CLEC4G: variants seen among roughly 807,000 people sequenced by gnomAD.
The protein encoded by CLEC4G is C-type lectin superfamily 4, member G.
Under a neutral mutation model 37.0 loss-of-function variants are expected in CLEC4G, and 34 were observed. That is an observed-to-expected ratio of 0.92 (90% CI 0.70 to 1.22). The LOEUF is 1.22. CLEC4G is among the 50% of genes most tolerant of loss of function. The pLI is 0.00. For synonymous variants in CLEC4G, 167 were observed against 165.6 expected (o/e 1.01, Z -0.06); for missense variants, 390 against 392.9 (o/e 0.99, Z 0.06).
Position 7,730,262 on chromosome 19 carries a change from G to A in CLEC4G, c.478+89C>T. 3 of 1,573,508 alleles carry A rather than the reference G, an allele frequency of 1.9e-6. No homozygotes were observed. The highest frequency in any genetic ancestry group is 1.8e-5 in the Admixed American group (1 of 56,030). ...AGGGGTTCGGCCCCGCGGGCTCAGGGGTGGAGACACAGAACCAGGCCAAGG... is the reference window on the plus strand; with the variant it reads ...AGGGGTTCGGCCCCGCGGGCTCAGGAGTGGAGACACAGAACCAGGCCAAGG... On this transcript the variant is annotated intron_variant, in intron 6 of 8. Transcript: ENST00000328853. This position sits in a 1 kb window ranked among gnomAD's most constrained non-coding sequence, Gnocchi z 7.3.
rs746724287 is a variant in CLEC4G at position 7,730,382 on chromosome 19, G to C, written c.447C>G (p.Phe149Leu). Residue 149 changes from phenylalanine (F) to leucine (L), a missense_variant, in exon 6 of 9, where the codon TTC becomes TTG. Coordinates refer to ENST00000328853, the MANE Select transcript of CLEC4G (RefSeq NM_198492.4). The surrounding 1 kb of genome is among the most constrained non-coding windows in gnomAD (Gnocchi z 7.3). Reference protein sequence around the residue: ...RGREDVRTELFRALEAVRLQN... With the variant: ...RGREDVRTELLRALEAVRLQN... The stretch of plus-strand genomic sequence containing the variant: ...GGAGCCTCACGGCCTCCAGCGCCCG[G>C]AACAGCTCAGTGCGGACGTCCTCAC... The C allele has an allele frequency of 3.7e-6, 6 of 1,603,170 alleles. No homozygotes were observed. The East Asian group carries it at 1.1e-4, about 30-fold the overall frequency.
In CLEC4G at chr19:7,731,302, CCG is replaced by C. The variant is rs2033429103; in HGVS notation, c.182_183del (p.Ala61GlyfsTer4). ...ILLSKASTERAALLDGHDLLR... is the reference protein window; with the variant it reads ...ILLSKASTERXALLDGHDLLR... The stretch of plus-strand genomic sequence containing the variant: ...AGCAGGTCGTGGCCGTCAAGCAGCG[CCG>C]CGCGCTCCGTGGAGGCTGAGGAGAG... On this transcript the variant is annotated frameshift_variant, in exon 3 of 9. Coordinates refer to ENST00000328853, the MANE Select transcript of CLEC4G (RefSeq NM_198492.4). LOFTEE classifies it high-confidence loss of function. 6.3e-7 allele frequency: 1 copy of C among 1,580,204 alleles called. No individual in the cohort carries two copies.
chr19:7,731,016 G>C lies in CLEC4G; in HGVS notation c.283+10C>G. 1 of 1,589,738 alleles carries C rather than the reference G, an allele frequency of 6.3e-7. No homozygotes were observed. The highest frequency in any genetic ancestry group is 8.5e-7 in the Non-Finnish European group (1 of 1,173,462). On this transcript the variant is annotated intron_variant, in intron 4 of 8. Coordinates refer to ENST00000328853, the MANE Select transcript of CLEC4G (RefSeq NM_198492.4). ...TCCCTGCGCCCACAGCCTCGACCGC[G>C]CCCCCTCACAGCAGCTGTGGCAGTC...
chr19:7,731,202 C>T (rs2033426749), intron 3 of CLEC4G, 64 bp downstream of exon 3: 2 of 1,570,996 alleles, frequency 1.3e-6, no homozygotes, highest in Non-Finnish European at 8.6e-7. Flanking sequence ...GACTCCATCT[C>T]CGGGGTCTCA....
chr19:7,731,240 G>T lies in CLEC4G; in HGVS notation c.220+26C>A. On this transcript the variant is annotated intron_variant, in intron 3 of 8. Coordinates refer to ENST00000328853, the MANE Select transcript of CLEC4G (RefSeq NM_198492.4). Reference sequence around the variant, plus strand: ...AACTCCCGCCCCTCACGCCCCGGGGGCCCAGGCGCCCGGCTCTGCACACAC... The same window carrying T: ...AACTCCCGCCCCTCACGCCCCGGGGTCCCAGGCGCCCGGCTCTGCACACAC... 5 of 1,581,818 alleles carry T rather than the reference G, an allele frequency of 3.2e-6. No homozygotes were observed. In the South Asian group the frequency reaches 5.7e-5, roughly 18 times the overall value.
intron 8 of CLEC4G, 26 bp from the exon 9 acceptor site, chr19:7,729,530 T>C: frequency 2.6e-6 from 4 of 1,556,140 alleles, no homozygotes; most frequent in Non-Finnish European, 3.5e-6. Flanking sequence ...GTGGGGGTGT[T>C]GCTGGGAATC....
At position 7,730,952 on chromosome 19, in the gene CLEC4G, C is replaced by T; in HGVS notation, c.283+74G>A. ...GCCCCGCACCACCCGCCGCAGGCCT[C>T]CGCCCCGGCCCCCCTCCCATCGCGG... On this transcript the variant is annotated intron_variant, in intron 4 of 8. Coordinates refer to ENST00000328853, the MANE Select transcript of CLEC4G (RefSeq NM_198492.4). The surrounding 1 kb of genome is among the most constrained non-coding windows in gnomAD (Gnocchi z 7.3). 5 of 1,491,362 alleles carry T rather than the reference C, an allele frequency of 3.4e-6. No individual in the cohort carries two copies. Among genetic ancestry groups the T allele is most frequent in the Non-Finnish European group, 4.5e-6 (5 of 1,121,562 alleles). 92.4% of individuals were successfully genotyped at this position (1,491,362 alleles called of 1,614,324 possible).
Position 7,731,731 on chromosome 19 carries a change from G to A in CLEC4G, c.96C>T (p.Leu32=), listed in dbSNP as rs1257319020. The stretch of plus-strand genomic sequence containing the variant: ...TGACCAGGACAGCCAGGGCCAAGAA[G>A]AGGGGTCTCCTGCTCCAGTGCACCC... ...GRWVHWSRRP[L]FLALAVLVTT... The change falls in exon 2 of 9, where the codon CTC becomes CTT. Residue 32 remains leucine, a synonymous_variant. Coordinates refer to ENST00000328853, the MANE Select transcript of CLEC4G (RefSeq NM_198492.4). 1.2e-6 allele frequency: 2 copies of A among 1,614,116 alleles called. No homozygotes were observed. The highest frequency in any genetic ancestry group is 4.5e-5 in the East Asian group (2 of 44,876).
rs370747810 is a variant in CLEC4G at position 7,729,297 on chromosome 19, C to A, written c.*69G>T. 2 of 1,030,742 alleles carry A rather than the reference C, an allele frequency of 1.9e-6. No homozygotes were observed. The highest frequency in any genetic ancestry group is 1.5e-6 in the Non-Finnish European group (1 of 656,400). 63.8% of individuals were successfully genotyped at this position (1,030,742 alleles called of 1,614,324 possible). On this transcript the variant is annotated 3_prime_UTR_variant, in exon 9 of 9. Transcript: ENST00000328853. ...ACTCTTTGGCAATCAGCTCCAGGAG[C>A]CAGGGAGGTGAGCAGCCCCCAGGAT...
chr19:7,730,231 G>T lies in CLEC4G; in HGVS notation c.479-64C>A. 1 of 1,586,936 alleles carries T rather than the reference G, an allele frequency of 6.3e-7. No individual in the cohort carries two copies. The highest frequency in any genetic ancestry group is 8.6e-7 in the Non-Finnish European group (1 of 1,168,130). ...AGGGGCAACGCACCGAGAGGATGCA[G>T]TGGGTAGGGGTTCGGCCCCGCGGGC... On this transcript the variant is annotated intron_variant, in intron 6 of 8. Coordinates refer to ENST00000328853, the MANE Select transcript of CLEC4G (RefSeq NM_198492.4). This position sits in a 1 kb window ranked among gnomAD's most constrained non-coding sequence, Gnocchi z 7.3.
rs1337820188 is a variant in CLEC4G at position 7,729,839 on chromosome 19, C to G, written c.725G>C (p.Gly242Ala). The G allele has an allele frequency of 6.8e-6, 11 of 1,614,034 alleles. No individual in the cohort carries two copies. Among genetic ancestry groups the G allele is most frequent in the Admixed American group, 1.7e-5 (1 of 59,996 alleles). Residue 242 changes from glycine (G) to alanine (A), a missense_variant, in exon 8 of 9, where the codon GGA (glycine) becomes GCA (alanine). Gly to Ala is a moderately conservative substitution (Grantham distance 60, BLOSUM62 0). Transcript: ENST00000328853. Reference protein sequence around the residue: ...GKVQGYQWVDGVSLSFSHWNQ... With the variant: ...GKVQGYQWVDAVSLSFSHWNQ... ...CCCTCACCTGAAGCTGAGAGAGACTCCGTCCACCCACTGGTAGCCCTGAAC... is the reference window on the plus strand; with the variant it reads ...CCCTCACCTGAAGCTGAGAGAGACTGCGTCCACCCACTGGTAGCCCTGAAC...
In CLEC4G at chr19:7,730,558, G is replaced by C. The variant is rs2033413227; in HGVS notation, c.389-118C>G. 2.0e-6 allele frequency: 3 copies of C among 1,482,176 alleles called. No homozygotes were observed. The highest frequency in any genetic ancestry group is 2.7e-6 in the Non-Finnish European group (3 of 1,120,066). 91.8% of individuals were successfully genotyped at this position (1,482,176 alleles called of 1,614,324 possible). A position where few individuals can be genotyped will look rare whatever the true frequency, so the allele number is the denominator to read the frequency against. On this transcript the variant is annotated intron_variant, in intron 5 of 8. Transcript: ENST00000328853. The surrounding 1 kb of genome is among the most constrained non-coding windows in gnomAD (Gnocchi z 7.3). ...TTGTACCCTCGGTGCCAGCGTCCAGGATGGCACAGGGTCAAGGGCGGTTAC... is the reference window on the plus strand; with the variant it reads ...TTGTACCCTCGGTGCCAGCGTCCAGCATGGCACAGGGTCAAGGGCGGTTAC...
rs767267829 is a variant in CLEC4G, at chr19:7,730,858, G to A, written c.285C>T (p.Cys95=). 6.5e-7 allele frequency: 1 copy of A among 1,529,632 alleles called. No homozygotes were observed. Among genetic ancestry groups the A allele is most frequent in the South Asian group, 1.2e-5 (1 of 83,528 alleles). 94.8% of individuals were successfully genotyped at this position (1,529,632 alleles called of 1,614,324 possible). A position where few individuals can be genotyped will look rare whatever the true frequency, so the allele number is the denominator to read the frequency against. Residue 95 remains cysteine, a splice_region_variant and synonymous_variant, in exon 5 of 9, where the codon TGC becomes TGT. Transcript: ENST00000328853. This position sits in a 1 kb window ranked among gnomAD's most constrained non-coding sequence, Gnocchi z 7.3. ...TCTGCAGCTGCGCCTGCGTCCCCGA[G>A]CCTGGGAGCCGCAGGGTGAGAGGGG... ...KEEVGDCHSC[C]SGTQAQLQTT...
In CLEC4G at chr19:7,730,760, T is replaced by C; in HGVS notation, c.383A>G (p.Glu128Gly). 2 of 1,531,788 alleles carry C rather than the reference T, an allele frequency of 1.3e-6. No individual in the cohort carries two copies. Among genetic ancestry groups the C allele is most frequent in the Non-Finnish European group, 1.7e-6 (2 of 1,145,400 alleles). 94.9% of individuals were successfully genotyped at this position (1,531,788 alleles called of 1,614,324 possible). The stretch of plus-strand genomic sequence containing the variant: ...GGGTCGCGTCGGGCCCTCACCGCGC[T>C]CACGCAGTTCCCGCAGGGCGCTCTC... ...EQESALRELR[E>G]RVTQGLAEAG... Residue 128 changes from glutamate to glycine, a missense_variant, in exon 5 of 9, where the codon GAG (glutamate) becomes GGG (glycine). By Grantham distance (98) the Glu-to-Gly change is moderately conservative. Transcript: ENST00000328853. The surrounding 1 kb of genome is among the most constrained non-coding windows in gnomAD (Gnocchi z 7.3).
chr19:7,729,111 G>A lies in CLEC4G; in HGVS notation c.*255C>T. On this transcript the variant is annotated 3_prime_UTR_variant, in exon 9 of 9. Coordinates refer to ENST00000328853, the MANE Select transcript of CLEC4G (RefSeq NM_198492.4). ...AGTGGAGGCATATCACGGGGACGCA[G>A]GAGCAGGGATTTTGGAGCTAGTGGA... The A allele has an allele frequency of 1.6e-6, 1 of 627,970 alleles. No individual in the cohort carries two copies. Among genetic ancestry groups the A allele is most frequent in the South Asian group, 1.5e-5 (1 of 65,700 alleles). The allele number at this position is 627,970 out of a possible 1,614,324, so 38.9% of individuals were successfully genotyped here.
intron 8 of CLEC4G, 87 bp downstream of exon 8, chr19:7,729,734 G>C (rs1274939896): frequency 1.9e-6 from 3 of 1,563,178 alleles, no homozygotes. Context: ...AGCCCCAGCC[G>C]AGGGGTCCCT....
Position 7,729,953 on chromosome 19 carries a change from A to T in CLEC4G, c.628-17T>A, listed in dbSNP as rs375205366. 128 of 1,613,414 alleles carry T rather than the reference A, an allele frequency of 7.9e-5. No homozygotes were observed. The highest frequency in any genetic ancestry group is 4.9e-4 in the Middle Eastern group (3 of 6,084). ...GAGGAAGCCCTAGAAAGGAGGGGAC[A>T]TCTGAGCCTGCAGAGTCCGCCCCGC... On this transcript the variant is annotated splice_polypyrimidine_tract_variant and intron_variant, in intron 7 of 8. Coordinates refer to ENST00000328853, the MANE Select transcript of CLEC4G (RefSeq NM_198492.4).
Position 7,729,101 on chromosome 19 carries a change from C to G in CLEC4G, c.*265G>C, listed in dbSNP as rs773366160. 25 of 598,548 alleles carry G rather than the reference C, an allele frequency of 4.2e-5. No homozygotes were observed. Among genetic ancestry groups the G allele is most frequent in the Non-Finnish European group, 7.6e-5 (24 of 316,858 alleles). 37.1% of individuals were successfully genotyped at this position (598,548 alleles called of 1,614,324 possible). On this transcript the variant is annotated 3_prime_UTR_variant, in exon 9 of 9. Coordinates refer to ENST00000328853, the MANE Select transcript of CLEC4G (RefSeq NM_198492.4). ...TAGGGAGAGAAGTGGAGGCATATCA[C>G]GGGGACGCAGGAGCAGGGATTTTGG...
chr19:7,731,420 G>A (rs754284480), intron 2 of CLEC4G, 101 bp from the exon 3 acceptor site: 83 of 1,505,828 alleles, frequency 5.5e-5, no homozygotes, highest in Non-Finnish European at 7.1e-5. Flanking sequence ...GAGCGGGCGG[G>A]CAGGCATACA....
Sources: gnomAD v4.1 joint callset for allele counts on GRCh38, gnomAD v4.1.1 for gene constraint, Gnocchi (gnomAD v3.1) non-coding constraint, MANE v1.5 for transcripts, NCBI Gene and HGNC (gene_info 2026-07-23, HGNC 2026-07-21) for gene names.